The following PCDH19 variants were observed in gnomAD, a reference collection of about 807,000 sequenced individuals.
The protein encoded by PCDH19 is protocadherin-19.
PCDH19 carries 6 observed loss-of-function variants against 46.2 expected under a neutral mutation model. That is an observed-to-expected ratio of 0.13 (90% CI 0.07 to 0.26). The LOEUF is 0.26. Among genes scored for constraint, PCDH19 ranks in the 10% least tolerant of loss-of-function variants. PCDH19 has a pLI of 1.00. For missense variants in PCDH19, 740 were observed against 972.3 expected (o/e 0.76, Z 3.18); for synonymous variants, 481 against 415.7 (o/e 1.16, Z -1.91).
intron 5 of PCDH19, among the ~76,000 whole-genome samples, chrX:100,306,497 T>C (rs1924950377): frequency 9.0e-6 from 1 of 110,740 alleles, no homozygotes; most frequent in Non-Finnish European, 1.9e-5. Context: ...AGGTCACACC[T>C]CATTAAACTG....
chrX:100,329,729 G>A (rs1451801149), intron 5 of PCDH19, among the ~76,000 whole-genome samples: 1 of 109,670 alleles, frequency 9.1e-6, no homozygotes, highest in African/African-American at 3.3e-5. Context: ...CCAACATAGC[G>A]AAACCCCGTC....
intron 5 of PCDH19, among the ~76,000 whole-genome samples, chrX:100,318,539 A>C (rs1925379640): frequency 8.9e-6 from 1 of 112,193 alleles, no homozygotes; most frequent in African/African-American, 3.2e-5. Context: ...ATCAGGCTGC[A>C]TTGGTGACCC....
At position 100,293,988 on chromosome X, in the gene PCDH19, A is replaced by G. The variant is rs745462461; in HGVS notation, c.*2289T>C. The G allele has an allele frequency of 1.8e-5, 2 of 111,681 alleles. No homozygotes were observed. Among genetic ancestry groups the G allele is most frequent in the Non-Finnish European group, 3.8e-5 (2 of 53,160 alleles). 9.2% of individuals were successfully genotyped at this position (111,681 alleles called of 1,213,427 possible). On this transcript the variant is annotated 3_prime_UTR_variant, in exon 6 of 6. Coordinates refer to ENST00000373034, the MANE Select transcript of PCDH19 (RefSeq NM_001184880.2). ...GTTCCCACTGAGCATAGCAAGAAATACACCTGTAGAAAACTGTGAAGTCTG... is the reference window on the plus strand; with the variant it reads ...GTTCCCACTGAGCATAGCAAGAAATGCACCTGTAGAAAACTGTGAAGTCTG...
At chrX:100,366,577 A>G (rs928137413) in intron 3 of PCDH19, among the ~76,000 whole-genome samples, 1 of 112,390 alleles carries the variant, frequency 8.9e-6, no homozygotes, top group African/African-American at 3.2e-5. Flanking sequence ...GCATTCGGAT[A>G]GAGCTAGGCT....
intron 5 of PCDH19, among the ~76,000 whole-genome samples, chrX:100,301,173 C>T (rs1924767831): frequency 9.0e-6 from 1 of 111,546 alleles, no homozygotes; most frequent in South Asian, 3.8e-4. Context: ...TGGTCCCCAC[C>T]AAAGTAATAA....
At chrX:100,338,340 T>C (rs1602592936) in intron 5 of PCDH19, among the ~76,000 whole-genome samples, 2 of 45,577 alleles carry the variant, frequency 4.4e-5, no homozygotes, top group African/African-American at 2.2e-4. Context: ...AGACTCCGTC[T>C]CAAAAAAAAA....
At chrX:100,399,289 G>A (rs765573816) in intron 3 of PCDH19, among the ~76,000 whole-genome samples, 1 of 111,165 alleles carries the variant, frequency 9.0e-6, no homozygotes, top group East Asian at 2.8e-4. Flanking sequence ...TAATTAATTA[G>A]GAAAATATAA....
chrX:100,403,631 A>G lies in PCDH19; in HGVS notation c.2181T>C (p.Cys727=), dbSNP rs2147534431. ...NCLTITCLLG[C]FIKGQNSKCL... Reference sequence around the variant, plus strand: ...ACTTGCTGTTTTGTCCTTTTATAAAACAGCCGAGGAGACAAGTGATGGTTA... The same window carrying G: ...ACTTGCTGTTTTGTCCTTTTATAAAGCAGCCGAGGAGACAAGTGATGGTTA... Residue 727 remains cysteine, a synonymous_variant, in exon 2 of 6, where the codon TGT becomes TGC. Transcript: ENST00000373034. The G allele has an allele frequency of 7.5e-6, 9 of 1,206,704 alleles. No individual in the cohort carries two copies. The highest frequency in any genetic ancestry group is 1.0e-5 in the Non-Finnish European group (9 of 892,746).
At chrX:100,311,234 T>C (rs746084391) in intron 5 of PCDH19, among the ~76,000 whole-genome samples, 1 of 111,633 alleles carries the variant, frequency 9.0e-6, no homozygotes, top group African/African-American at 3.2e-5. Flanking sequence ...AGGAAACTGC[T>C]AGCAGATCAT....
At chrX:100,312,132 A>G (rs1569288836) in intron 5 of PCDH19, among the ~76,000 whole-genome samples, 2 of 110,538 alleles carry the variant, frequency 1.8e-5, no homozygotes, top group Non-Finnish European at 3.8e-5. Context: ...AAGAGAGAAG[A>G]GAGAAAGAGA....
At chrX:100,340,285 T>C (rs1926216093) in intron 5 of PCDH19, among the ~76,000 whole-genome samples, 1 of 112,354 alleles carries the variant, frequency 8.9e-6, no homozygotes, top group African/African-American at 3.2e-5. Context: ...TGCAGTTCCC[T>C]GATACTGTTT....
chrX:100,392,362 C>T (rs1927888045), intron 3 of PCDH19, among the ~76,000 whole-genome samples: 1 of 112,003 alleles, frequency 8.9e-6, no homozygotes, highest in African/African-American at 3.3e-5. Flanking sequence ...TTAGTAAGTG[C>T]ACAAGCCACA....
Position 100,296,088 on chromosome X carries a change from C to A in PCDH19, c.*189G>T. Reference sequence around the variant, plus strand: ...TCAAGCCAAAGCTAATTTGCTCCAACTGAACACCCCTGCTGCCTGTTGAAA... The same window carrying A: ...TCAAGCCAAAGCTAATTTGCTCCAAATGAACACCCCTGCTGCCTGTTGAAA... On this transcript the variant is annotated 3_prime_UTR_variant, in exon 6 of 6. Coordinates refer to ENST00000373034, the MANE Select transcript of PCDH19 (RefSeq NM_001184880.2). 2.2e-6 allele frequency: 1 copy of A among 454,932 alleles called. No individual in the cohort carries two copies. The highest frequency in any genetic ancestry group is 3.8e-6 in the Non-Finnish European group (1 of 262,009). 37.5% of individuals were successfully genotyped at this position (454,932 alleles called of 1,213,427 possible).
intron 5 of PCDH19, among the ~76,000 whole-genome samples, chrX:100,336,067 C>A (rs753717909): frequency 2.7e-5 from 3 of 112,133 alleles, no homozygotes; most frequent in Non-Finnish European, 5.6e-5. Flanking sequence ...GCTTTGTTCA[C>A]GTAAAGATAA....
At position 100,370,652 on chromosome X, in the gene PCDH19, G is replaced by A. The variant is rs192368385; in HGVS notation, c.2617-19948C>T. 2.7e-5 allele frequency among the ~76,000 whole-genome samples: 3 copies of A among 112,241 alleles called. No homozygotes were observed. In the East Asian group the frequency reaches 8.4e-4, roughly 31 times the overall value. ...ATGTTTCAGAGTCCATAATTGGCTTGTCTTGCTGGACTTTTTATGCAGCCA... is the reference window on the plus strand; with the variant it reads ...ATGTTTCAGAGTCCATAATTGGCTTATCTTGCTGGACTTTTTATGCAGCCA... On this transcript the variant is annotated intron_variant, in intron 3 of 5. Transcript: ENST00000373034.
intron 3 of PCDH19, among the ~76,000 whole-genome samples, chrX:100,360,354 G>C (rs1048028719): frequency 1.8e-5 from 2 of 112,303 alleles, no homozygotes; most frequent in African/African-American, 6.5e-5. Flanking sequence ...CTTGGAAACA[G>C]TGAATGCATT....
At chrX:100,306,829 G>A (rs1296003833) in intron 5 of PCDH19, among the ~76,000 whole-genome samples, 1 of 110,741 alleles carries the variant, frequency 9.0e-6, no homozygotes, top group East Asian at 2.8e-4. Flanking sequence ...ATAAATTCCT[G>A]GAAATATACA....
intron 5 of PCDH19, among the ~76,000 whole-genome samples, chrX:100,320,777 T>C (rs1925451643): frequency 9.0e-6 from 1 of 111,332 alleles, no homozygotes; most frequent in Non-Finnish European, 1.9e-5. Context: ...AAGTTCTTTT[T>C]TTTTTTTTTA....
intron 5 of PCDH19, among the ~76,000 whole-genome samples, chrX:100,299,775 A>G (rs1924721658): frequency 8.9e-6 from 1 of 112,179 alleles, no homozygotes; most frequent in Admixed American, 9.4e-5. Context: ...CACTGAGCCT[A>G]CCTCAGCTCC....
Sources: allele counts gnomAD v4.1 joint callset (sites outside exome capture counted in the v4.1 genomes callset), GRCh38; gene constraint gnomAD v4.1.1; transcripts MANE v1.5; gene names NCBI Gene and HGNC (gene_info 2026-07-23, HGNC 2026-07-21).